The following PRDM5 variants were observed in gnomAD, a reference collection of about 807,000 sequenced individuals.
The protein encoded by PRDM5 is PR/SET domain 5, also known as PR domain zinc finger protein 5.
A neutral mutation model predicts 81.2 loss-of-function variants in PRDM5; 56 were observed. The ratio of observed to expected loss-of-function variants is 0.69; its 90% confidence interval spans 0.56 to 0.86. PRDM5 has a LOEUF of 0.86. Among genes scored for constraint, PRDM5 ranks in the 40% least tolerant of loss-of-function variants. PRDM5 has a pLI of 0.00. For synonymous variants in PRDM5, 267 were observed against 256.4 expected (o/e 1.04, Z -0.39); for missense variants, 697 against 770.1 (o/e 0.91, Z 1.12).
intron 2 of PRDM5, among the ~76,000 whole-genome samples, chr4:120,871,575 A>G (rs1561554775): frequency 6.6e-6 from 1 of 152,364 alleles, no homozygotes; most frequent in East Asian, 1.9e-4. Context: ...AAATGTCCGT[A>G]TAAAATCAAG....
chr4:120,807,748 C>T (rs1753193515), intron 8 of PRDM5, among the ~76,000 whole-genome samples: 1 of 151,824 alleles, frequency 6.6e-6, no homozygotes, highest in African/African-American at 2.4e-5. Flanking sequence ...TTTCTTCCTT[C>T]TGGTGGGTTC....
intron 3 of PRDM5, among the ~76,000 whole-genome samples, chr4:120,849,603 G>GA (rs1759037771): frequency 1.3e-5 from 2 of 152,106 alleles, no homozygotes; most frequent in African/African-American, 4.8e-5. Context: ...AGACATGCCT[G>GA]AAAATATGGG....
At chr4:120,744,490 G>A (rs1742658374) in intron 14 of PRDM5, among the ~76,000 whole-genome samples, 2 of 151,594 alleles carry the variant, frequency 1.3e-5, no homozygotes, top group South Asian at 4.2e-4. Flanking sequence ...ATGAATCCAG[G>A]AGCTGGTTTT....
intron 8 of PRDM5, among the ~76,000 whole-genome samples, chr4:120,809,223 T>C (rs367855832): frequency 7.5e-6 from 1 of 132,912 alleles, no homozygotes; most frequent in Non-Finnish European, 1.6e-5. Flanking sequence ...GTGGGGAACA[T>C]CACACACCAG....
intron 3 of PRDM5, among the ~76,000 whole-genome samples, chr4:120,827,843 G>T (rs1561406429): frequency 6.6e-6 from 1 of 152,032 alleles, no homozygotes; most frequent in African/African-American, 2.4e-5. Context: ...ATGGCTATGT[G>T]GGCATCTTTC....
intron 14 of PRDM5, among the ~76,000 whole-genome samples, chr4:120,734,542 T>C (rs1350747121): frequency 6.6e-6 from 1 of 152,198 alleles, no homozygotes; most frequent in Non-Finnish European, 1.5e-5. Context: ...ATCTGGAATA[T>C]GGTTATATGT....
Position 120,693,997 on chromosome 4 carries a change from T to C in PRDM5, c.*1114A>G, listed in dbSNP as rs1429618405. 2.0e-5 allele frequency: 3 copies of C among 152,140 alleles called. No individual in the cohort carries two copies. Among genetic ancestry groups the C allele is most frequent in the Admixed American group, 1.3e-4 (2 of 15,238 alleles). 9.4% of individuals were successfully genotyped at this position (152,140 alleles called of 1,614,324 possible). The stretch of plus-strand genomic sequence containing the variant: ...TAAGCATCAGTGACAGTTTCAATCA[T>C]AACAATTGCCAAGTTTGTACTTTGT... On this transcript the variant is annotated 3_prime_UTR_variant, in exon 16 of 16. Coordinates refer to ENST00000264808, the MANE Select transcript of PRDM5 (RefSeq NM_018699.4).
Position 120,762,098 on chromosome 4 carries a change from C to T in PRDM5, c.1538-7460G>A, listed in dbSNP as rs190903238. Among the ~76,000 whole-genome samples, 166 of 152,050 alleles carry T rather than the reference C, an allele frequency of 1.1e-3. 1 individual carries two copies. Among genetic ancestry groups the T allele is most frequent in the Middle Eastern group, 3.4e-3 (1 of 294 alleles). On this transcript the variant is annotated intron_variant, in intron 13 of 15. Transcript: ENST00000264808. ...CCATTTTCAATAAGCATTTTAATAA[C>T]GTTAACTTGTCATTTAATATATTTC...
At chr4:120,696,924 C>G (rs989034636) in intron 15 of PRDM5, among the ~76,000 whole-genome samples, 9 of 152,094 alleles carry the variant, frequency 5.9e-5, no homozygotes, top group Non-Finnish European at 1.2e-4. Context: ...TTTGGAATAG[C>G]TTGTAAGCAT....
In PRDM5 at chr4:120,861,769, G is replaced by T. The variant is rs1203699520; in HGVS notation, c.178-8229C>A. ...GCCAAGATCGTGCCACTGCACTCCA[G>T]CCTAGGTGAAGAGCAAGACTCCGTC... On this transcript the variant is annotated intron_variant, in intron 2 of 15. Transcript: ENST00000264808. 2.6e-5 allele frequency among the ~76,000 whole-genome samples: 4 copies of T among 151,086 alleles called. No homozygotes were observed. The East Asian group carries it at 5.8e-4, about 22-fold the overall frequency.
downstream of PRDM5, among the ~76,000 whole-genome samples, chr4:120,690,099 T>G (rs1324454733): frequency 6.6e-6 from 1 of 152,140 alleles, no homozygotes; most frequent in Non-Finnish European, 1.5e-5. Flanking sequence ...TTCCAACCAG[T>G]TTTCATCCAT....
chr4:120,833,928 CA>C (rs1325903991), intron 3 of PRDM5, among the ~76,000 whole-genome samples: 3 of 151,994 alleles, frequency 2.0e-5, no homozygotes, highest in Admixed American at 1.3e-4. Flanking sequence ...AAGTCCTAAA[CA>C]AAATAATATT....
chr4:120,812,485 T>C (rs1453714023), intron 7 of PRDM5: 8 of 169,476 alleles, frequency 4.7e-5, no homozygotes, highest in Non-Finnish European at 1.0e-4. Flanking sequence ...TGAGATGATA[T>C]CTCACTGTAG....
At chr4:120,720,751 A>G (rs1490942501) in intron 14 of PRDM5, among the ~76,000 whole-genome samples, 1 of 152,262 alleles carries the variant, frequency 6.6e-6, no homozygotes, top group East Asian at 1.9e-4. Flanking sequence ...ATGACAAAAC[A>G]TACCCATGGC....
chr4:120,822,849 A>G (rs913407698), intron 3 of PRDM5, among the ~76,000 whole-genome samples: 4 of 152,248 alleles, frequency 2.6e-5, no homozygotes, highest in African/African-American at 9.6e-5. Flanking sequence ...CACTTAATGT[A>G]TAGACATTCC....
chr4:120,794,426 A>G (rs1751036591), intron 10 of PRDM5, among the ~76,000 whole-genome samples: 1 of 151,960 alleles, frequency 6.6e-6, no homozygotes, highest in African/African-American at 2.4e-5. Flanking sequence ...TTAAGGTCTA[A>G]TAAAATTTAT....
At chr4:120,737,893 A>G (rs1741347108) in intron 14 of PRDM5, among the ~76,000 whole-genome samples, 1 of 152,230 alleles carries the variant, frequency 6.6e-6, no homozygotes, top group African/African-American at 2.4e-5. Flanking sequence ...TAAATTTAAT[A>G]ATTCGCTTCT....
At chr4:120,704,600 C>A (rs1735840495) in intron 15 of PRDM5, among the ~76,000 whole-genome samples, 1 of 152,208 alleles carries the variant, frequency 6.6e-6, no homozygotes, top group African/African-American at 2.4e-5. Context: ...AATGTGCCTA[C>A]CACTTCTGCT....
intron 10 of PRDM5, among the ~76,000 whole-genome samples, chr4:120,796,928 TA>T (rs1260357678): frequency 3.3e-5 from 5 of 152,190 alleles, no homozygotes; most frequent in African/African-American, 1.2e-4. Flanking sequence ...ATACATCAAC[TA>T]AAATCAATAA....
Sources: gnomAD v4.1 joint callset for allele counts (sites outside exome capture counted in the v4.1 genomes callset) on GRCh38, gnomAD v4.1.1 for gene constraint, MANE v1.5 for transcripts, NCBI Gene and HGNC (gene_info 2026-07-23, HGNC 2026-07-21) for gene names.